MYO3B: variants seen among roughly 807,000 people sequenced by gnomAD.
MYO3B encodes the protein myosin IIIB.
In MYO3B, 156 loss-of-function variants were observed where a neutral mutation model predicts 174.6. That is an observed-to-expected ratio of 0.89 (90% CI 0.78 to 1.02). MYO3B has a LOEUF of 1.02. Among genes scored for constraint, MYO3B ranks in the 50% least tolerant of loss-of-function variants. The probability of loss-of-function intolerance (pLI) is 0.00; values close to 1 mark genes in which losing one functional copy is unlikely to be tolerated. For missense variants in MYO3B, 1,632 were observed against 1,639.4 expected (o/e 1.00, Z 0.08); for synonymous variants, 563 against 569.1 (o/e 0.99, Z 0.15).
chr2:170,382,316 A>G (rs546227162), intron 10 of MYO3B: 115 of 418,944 alleles, frequency 2.7e-4, no homozygotes, highest in Non-Finnish European at 4.6e-4. Flanking sequence ...AGAATGATGA[A>G]GAGAAAAGGA....
rs1377260674 is a variant in MYO3B, at chr2:170,234,182, AAAAAACAAAACAAAAC to A, written c.604-1803_604-1788del. Among the ~76,000 whole-genome samples, 33 of 73,840 alleles carry A rather than the reference AAAAAACAAAACAAAAC, an allele frequency of 4.5e-4. 4 individuals carry two copies. Among genetic ancestry groups the A allele is most frequent in the African/African-American group, 2.6e-3 (29 of 11,252 alleles). The allele number at this position is 73,840 out of a possible 152,430, so 48.4% of individuals were successfully genotyped here. A position where few individuals can be genotyped will look rare whatever the true frequency, so the allele number is the denominator to read the frequency against. ...TGAGACTCCGTCTCAAAAAAAAAAAAAAAAACAAAACAAAACAAAAAAAAAACACCTGTTTCTTAGT... is the reference window on the plus strand; with the variant it reads ...TGAGACTCCGTCTCAAAAAAAAAAAAAAAAAAAAAACACCTGTTTCTTAGT... On this transcript the variant is annotated intron_variant, in intron 6 of 34. Coordinates refer to ENST00000408978, the MANE Select transcript of MYO3B (RefSeq NM_138995.5).
chr2:170,444,493 A>G (rs575320726), intron 23 of MYO3B, among the ~76,000 whole-genome samples: 1 of 152,358 alleles, frequency 6.6e-6, no homozygotes, highest in East Asian at 1.9e-4. Flanking sequence ...CCTTCCAGCT[A>G]AAGTTTAACA....
At chr2:170,600,386 A>C (rs1242083849) in intron 32 of MYO3B, among the ~76,000 whole-genome samples, 1 of 152,210 alleles carries the variant, frequency 6.6e-6, no homozygotes, top group East Asian at 1.9e-4. Flanking sequence ...TAGGCAGATA[A>C]ACGTGACTAA....
intron 32 of MYO3B, among the ~76,000 whole-genome samples, chr2:170,622,562 T>C (rs1339988122): frequency 6.7e-6 from 1 of 148,694 alleles, no homozygotes; most frequent in East Asian, 2.0e-4. Flanking sequence ...TTACATTCTT[T>C]TATAATATAC....
chr2:170,569,598 A>G (rs1006103437), intron 32 of MYO3B, among the ~76,000 whole-genome samples: 1 of 150,504 alleles, frequency 6.6e-6, no homozygotes, highest in African/African-American at 2.4e-5. Context: ...GAGGTGGCTC[A>G]CACCTGTAAT....
intron 23 of MYO3B, among the ~76,000 whole-genome samples, chr2:170,449,695 T>G (rs926562955): frequency 6.6e-6 from 1 of 151,854 alleles, no homozygotes; most frequent in African/African-American, 2.4e-5. Context: ...GAGAATTGCT[T>G]GAACCCAGGA....
At chr2:170,465,523 G>A (rs1684568404) in intron 24 of MYO3B, among the ~76,000 whole-genome samples, 1 of 152,108 alleles carries the variant, frequency 6.6e-6, no homozygotes, top group South Asian at 2.1e-4. Flanking sequence ...GAGATTTGGA[G>A]GAAACACACA....
intron 22 of MYO3B, among the ~76,000 whole-genome samples, chr2:170,419,223 A>G (rs1027226666): frequency 6.6e-6 from 1 of 152,232 alleles, no homozygotes; most frequent in Non-Finnish European, 1.5e-5. Context: ...GAGGATCAGG[A>G]CGTACTTTTC....
At chr2:170,279,857 A>AT in intron 7 of MYO3B, among the ~76,000 whole-genome samples, 1 of 152,228 alleles carries the variant, frequency 6.6e-6, no homozygotes, top group East Asian at 1.9e-4. Context: ...TTCTTTATCC[A>AT]GTCTACCACT....
chr2:170,500,914 CACA>C (rs1687225939), intron 27 of MYO3B, among the ~76,000 whole-genome samples: 1 of 23,852 alleles, frequency 4.2e-5, no homozygotes, highest in African/African-American at 8.6e-5. Flanking sequence ...TAGTGTTACA[CACA>C]ACATTTAAGT....
At chr2:170,523,065 C>T (rs1688782138) in intron 30 of MYO3B, among the ~76,000 whole-genome samples, 1 of 152,206 alleles carries the variant, frequency 6.6e-6, no homozygotes, top group Non-Finnish European at 1.5e-5. Flanking sequence ...CAGACTGGGT[C>T]CTCACACCAC....
intron 5 of MYO3B, 99 bp downstream of exon 5, chr2:170,214,927 A>ATAGACTGGGGCTTCTCTGCTACACCG: frequency 1.1e-6 from 1 of 892,960 alleles, no homozygotes; most frequent in Non-Finnish European, 1.8e-6. Flanking sequence ...CTGCTACACC[A>ATAGACTGGGGCTTCTCTGCTACACCG]TAGGCTGAGG....
Position 170,329,327 on chromosome 2 carries a change from C to A in MYO3B, c.750-6058C>A, listed in dbSNP as rs528794034. ...AATAAAAGGTCTAAAAGAATATAAC[C>A]CATACTGATAATGGGGAGGAGACTG... On this transcript the variant is annotated intron_variant, in intron 7 of 34. Transcript: ENST00000408978. Among the ~76,000 whole-genome samples, 3 of 149,788 alleles carry A rather than the reference C, an allele frequency of 2.0e-5. No individual in the cohort carries two copies. The East Asian group carries it at 5.9e-4, about 29-fold the overall frequency.
intron 22 of MYO3B, among the ~76,000 whole-genome samples, chr2:170,434,390 G>A (rs192832142): frequency 1.6e-3 from 245 of 152,188 alleles, no homozygotes; most frequent in Non-Finnish European, 3.2e-3. Context: ...TGTATAGAAG[G>A]GTTCACCCTT....
At position 170,359,323 on chromosome 2, in the gene MYO3B, C is replaced by T. The variant is rs371421454; in HGVS notation, c.816-9899C>T. Among the ~76,000 whole-genome samples the T allele has an allele frequency of 7.2e-4, 110 of 152,230 alleles. 2 individuals are homozygous for T. In the South Asian group the frequency reaches 0.02, roughly 28 times the overall value. On this transcript the variant is annotated intron_variant, in intron 8 of 34. Transcript: ENST00000408978. Reference sequence around the variant, plus strand: ...ACACTCTTGACTTGTCTTCAAGTTCCAGGGCTACAATCATCATCTTTCCCT... The same window carrying T: ...ACACTCTTGACTTGTCTTCAAGTTCTAGGGCTACAATCATCATCTTTCCCT...
rs1559201832 is a variant in MYO3B, at chr2:170,649,236, TATATATTATATATAAAATAATATATA to T, written c.3734-2365_3734-2340del. On this transcript the variant is annotated intron_variant, in intron 32 of 34. Coordinates refer to ENST00000408978, the MANE Select transcript of MYO3B (RefSeq NM_138995.5). ...ATATAATATATTATATATAAAATAA[TATATATTATATATAAAATAATATATA>T]ATATATTATATATAAAATAATATAT... 1.0e-3 allele frequency among the ~76,000 whole-genome samples: 31 copies of T among 30,670 alleles called. 3 individuals carry two copies. The highest frequency in any genetic ancestry group is 1.2e-3 in the African/African-American group (6 of 4,914). 20.1% of individuals were successfully genotyped at this position (30,670 alleles called of 152,430 possible).
chr2:170,478,889 TAC>T lies in MYO3B; in HGVS notation c.3014+12213_3014+12214del, dbSNP rs143792197. The stretch of plus-strand genomic sequence containing the variant: ...GCCTGGCCCATATATAGGTTTTACA[TAC>T]ACACACACACACACACACACACACA... On this transcript the variant is annotated intron_variant, in intron 25 of 34. Transcript: ENST00000408978. 9.4e-3 allele frequency among the ~76,000 whole-genome samples: 1,291 copies of T among 137,278 alleles called. 10 individuals are homozygous for T. Among genetic ancestry groups the T allele is most frequent in the South Asian group, 0.039 (163 of 4,186 alleles). 90.1% of individuals were successfully genotyped at this position (137,278 alleles called of 152,430 possible). A position where few individuals can be genotyped will look rare whatever the true frequency, so the allele number is the denominator to read the frequency against.
At chr2:170,528,103 A>G (rs1689116919) in intron 30 of MYO3B, among the ~76,000 whole-genome samples, 1 of 152,252 alleles carries the variant, frequency 6.6e-6, no homozygotes, top group Admixed American at 6.5e-5. Context: ...TAGCTTTCTC[A>G]AAAAGTCGAA....
intron 32 of MYO3B, 26 bp from the exon 33 acceptor site, chr2:170,651,602 A>G: frequency 1.2e-6 from 2 of 1,602,862 alleles, no homozygotes; most frequent in South Asian, 1.1e-5. Context: ...CGGACAGTTT[A>G]CAGCAAAGTT....
Sources: gnomAD v4.1 joint callset for allele counts (sites outside exome capture counted in the v4.1 genomes callset) on GRCh38, gnomAD v4.1.1 for gene constraint, MANE v1.5 for transcripts, NCBI Gene and HGNC (gene_info 2026-07-23, HGNC 2026-07-21) for gene names.